Variants in CTNNA2 observed in about 807,000 individuals in gnomAD.
The protein encoded by CTNNA2 is catenin alpha 2.
A neutral mutation model predicts 101.0 loss-of-function variants in CTNNA2; 42 were observed. The observed-to-expected ratio is 0.42, with a 90% confidence interval of 0.32 to 0.54. The LOEUF (loss-of-function observed/expected upper bound fraction) is 0.54, where lower values mean the gene tolerates loss of function less well. Among genes scored for constraint, CTNNA2 ranks in the 20% least tolerant of loss-of-function variants. CTNNA2 has a pLI of 0.14. For missense variants in CTNNA2, 871 were observed against 1,223.1 expected, an observed-to-expected ratio of 0.71 and a Z score of 4.29; for synonymous variants, 450 against 456.4, an observed-to-expected ratio of 0.99 and a Z score of 0.18.
chr2:79,499,612 CT>C (rs1385955058), intron 4 of CTNNA2, among the ~76,000 whole-genome samples: 1 of 152,174 alleles, frequency 6.6e-6, no homozygotes, highest in Non-Finnish European at 1.5e-5. Flanking sequence ...AATAGGACCC[CT>C]CTAAAGCTCT....
intron 2 of CTNNA2, among the ~76,000 whole-genome samples, chr2:79,295,223 T>C (rs764591526): frequency 2.0e-5 from 3 of 152,186 alleles, no homozygotes; most frequent in African/African-American, 4.8e-5. Flanking sequence ...TCCCAGCCTA[T>C]ACTTCGGCAG....
At chr2:79,467,743 A>AT (rs1670955092) in intron 4 of CTNNA2, among the ~76,000 whole-genome samples, 1 of 152,214 alleles carries the variant, frequency 6.6e-6, no homozygotes, top group Non-Finnish European at 1.5e-5. Flanking sequence ...AAAGAAAAGA[A>AT]TTTTCAACCC....
chr2:79,637,313 A>G (rs1680142173), intron 1 of CTNNA2, among the ~76,000 whole-genome samples: 1 of 152,194 alleles, frequency 6.6e-6, no homozygotes, highest in African/African-American at 2.4e-5. Flanking sequence ...GGCCTCAGTC[A>G]GGAGGCAGGA....
chr2:80,564,466 C>T (rs1573287107), intron 12 of CTNNA2, among the ~76,000 whole-genome samples: 1 of 151,232 alleles, frequency 6.6e-6, no homozygotes, highest in Non-Finnish European at 1.5e-5. Context: ...GATGGATGCT[C>T]CCTGATTCTT....
intron 2 of CTNNA2, among the ~76,000 whole-genome samples, chr2:79,676,568 G>A (rs543695816): frequency 7.9e-5 from 12 of 152,202 alleles, no homozygotes; most frequent in African/African-American, 1.7e-4. Flanking sequence ...GGAAGTGACC[G>A]TCAACAGCAA....
chr2:79,726,929 C>T (rs1686880514), intron 2 of CTNNA2, among the ~76,000 whole-genome samples: 1 of 152,124 alleles, frequency 6.6e-6, no homozygotes, highest in African/African-American at 2.4e-5. Flanking sequence ...AAAAGTGAGT[C>T]GGTTTTAAAT....
intron 7 of CTNNA2, among the ~76,000 whole-genome samples, chr2:80,315,537 C>T (rs934287684): frequency 8.5e-5 from 13 of 152,144 alleles, no homozygotes; most frequent in African/African-American, 2.7e-4. Context: ...TCCCGCATGT[C>T]GTCTCATCCT....
intron 6 of CTNNA2, among the ~76,000 whole-genome samples, chr2:79,878,181 G>A (rs2916499): frequency 0.18 from 27,452 of 152,136 alleles, 3,155 homozygotes; most frequent in Middle Eastern, 0.26. Flanking sequence ...ATTCCATGGT[G>A]TATATGTAGC....
intron 6 of CTNNA2, among the ~76,000 whole-genome samples, chr2:79,880,475 A>G (rs147528585): frequency 0.036 from 5,524 of 152,172 alleles, 325 homozygotes; most frequent in East Asian, 0.29. Flanking sequence ...TAGGCTATTA[A>G]TTACTGCCTC....
intron 5 of CTNNA2, chr2:79,505,327 T>G (rs567126201): frequency 6.6e-6 from 1 of 152,346 alleles, no homozygotes; most frequent in South Asian, 2.1e-4. Context: ...TTTTAAATTC[T>G]ACGTGTTTGA....
intron 12 of CTNNA2, among the ~76,000 whole-genome samples, chr2:80,560,456 A>G (rs1297284809): frequency 2.0e-5 from 3 of 152,068 alleles, no homozygotes; most frequent in Non-Finnish European, 2.9e-5. Flanking sequence ...TTTTTCCTGT[A>G]TTGCCCAATG....
At chr2:80,464,365 GC>G (rs1014737814) in intron 9 of CTNNA2, among the ~76,000 whole-genome samples, 2 of 152,166 alleles carry the variant, frequency 1.3e-5, no homozygotes, top group African/African-American at 4.8e-5. Flanking sequence ...ACTGATTCAT[GC>G]AATGAAATGG....
chr2:80,310,762 A>G (rs1677486966), intron 7 of CTNNA2, among the ~76,000 whole-genome samples: 1 of 152,152 alleles, frequency 6.6e-6, no homozygotes, highest in Admixed American at 6.5e-5. Context: ...ACTTGAGGTC[A>G]GGAGTTCTAG....
intron 7 of CTNNA2, among the ~76,000 whole-genome samples, chr2:80,250,990 TGAGTCTTAAGG>T (rs1008826148): frequency 2.6e-5 from 4 of 152,164 alleles, no homozygotes; most frequent in Non-Finnish European, 5.9e-5. Flanking sequence ...ATGGGCTAAA[TGAGTCTTAAGG>T]GAGTCTTAAG....
At chr2:79,849,951 G>C (rs1363578212) in intron 3 of CTNNA2, among the ~76,000 whole-genome samples, 1 of 152,138 alleles carries the variant, frequency 6.6e-6, no homozygotes, top group Non-Finnish European at 1.5e-5. Context: ...GTCAACCGAT[G>C]TAAGGTATGA....
intron 7 of CTNNA2, among the ~76,000 whole-genome samples, chr2:80,341,254 G>A (rs929963708): frequency 1.3e-5 from 2 of 152,100 alleles, no homozygotes; most frequent in African/African-American, 4.8e-5. Flanking sequence ...AGGTGGGGAT[G>A]AGGGGCTGAA....
rs138558744 is a variant in CTNNA2, at chr2:80,265,447, G to A, written c.1057-127764G>A. 4.1e-4 allele frequency among the ~76,000 whole-genome samples: 63 copies of A among 152,276 alleles called. No individual in the cohort carries two copies. In the East Asian group the frequency reaches 8.3e-3, roughly 20 times the overall value. ...TGTCAGAACAAAGATGGTGGCAGTG[G>A]CATTGGGAATGGAAAGATGCATAGG... is the stretch of plus-strand genomic sequence containing the variant. On this transcript the variant is annotated intron_variant, in intron 7 of 18. Transcript: ENST00000402739.
chr2:79,645,043 C>T (rs1468821173), intron 1 of CTNNA2, among the ~76,000 whole-genome samples: 1 of 152,006 alleles, frequency 6.6e-6, no homozygotes, highest in Non-Finnish European at 1.5e-5. Flanking sequence ...AGTGCAATGG[C>T]ATGATCTCGG....
chr2:79,273,787 C>A (rs549590629), intron 2 of CTNNA2, among the ~76,000 whole-genome samples: 14 of 151,306 alleles, frequency 9.3e-5, no homozygotes, highest in Non-Finnish European at 1.9e-4. Context: ...ATTAAATGAG[C>A]GCTGACAGCA....
Sources: gnomAD v4.1 joint callset for allele counts (sites outside exome capture counted in the v4.1 genomes callset) on GRCh38, gnomAD v4.1.1 for gene constraint, MANE v1.5 for transcripts, NCBI Gene and HGNC (gene_info 2026-07-23, HGNC 2026-07-21) for gene names.